Variants in LMF1 observed in about 807,000 individuals in gnomAD.
LMF1 encodes transmembrane protein 112.
A neutral mutation model predicts 60.6 loss-of-function variants in LMF1; 68 were observed. That is an observed-to-expected ratio of 1.12 (90% CI 0.92 to 1.37). The LOEUF is 1.37. Among genes scored for constraint, LMF1 ranks in the 40% most tolerant of loss-of-function variants. The pLI is 0.00. For synonymous variants in LMF1, 418 were observed against 324.7 expected (o/e 1.29, Z -3.09); for missense variants, 948 against 767.2 (o/e 1.24, Z -2.78).
chr16:940,446 C>A (rs569718982), intron 2 of LMF1, among the ~76,000 whole-genome samples: 1 of 152,090 alleles, frequency 6.6e-6, no homozygotes, highest in African/African-American at 2.4e-5. Context: ...GTGGGAGGGT[C>A]CTCCCCGCAG....
At chr16:926,304 T>C (rs750828460) in intron 3 of LMF1, among the ~76,000 whole-genome samples, 2 of 152,244 alleles carry the variant, frequency 1.3e-5, no homozygotes. Flanking sequence ...CGTGTCTGTG[T>C]GCATGTATGT....
In LMF1 at chr16:920,559, G is replaced by A. The variant is rs79845617; in HGVS notation, c.515-9480C>T. 1.1e-4 allele frequency among the ~76,000 whole-genome samples: 16 copies of A among 152,342 alleles called. No individual in the cohort carries two copies. The East Asian group carries it at 2.9e-3, about 28-fold the overall frequency. On this transcript the variant is annotated intron_variant, in intron 3 of 10. Coordinates refer to ENST00000262301, the MANE Select transcript of LMF1 (RefSeq NM_022773.4). ...AGCCACAGTGACTCATTCTAGAGAT[G>A]AGAGGCTTTTAGAAAACACCACACA...
chr16:863,621 A>T (rs1443518304), intron 10 of LMF1, among the ~76,000 whole-genome samples: 1 of 151,922 alleles, frequency 6.6e-6, no homozygotes, highest in Non-Finnish European at 1.5e-5. Context: ...CTTGCTTTAA[A>T]TTTTTTCCTA....
intron 1 of LMF1, chr16:976,747 T>C: frequency 2.2e-6 from 1 of 454,116 alleles, no homozygotes; most frequent in South Asian, 1.6e-5. Flanking sequence ...AGCACAGCTG[T>C]TCCCGACACA....
At chr16:965,049 T>A (rs1391910789) in intron 1 of LMF1, among the ~76,000 whole-genome samples, 1 of 152,140 alleles carries the variant, frequency 6.6e-6, no homozygotes, top group African/African-American at 2.4e-5. Flanking sequence ...AGCCCAGGAC[T>A]CCAATGTGAC....
intron 3 of LMF1, among the ~76,000 whole-genome samples, chr16:921,444 C>T (rs777923470): frequency 1.3e-5 from 2 of 152,244 alleles, no homozygotes; most frequent in Non-Finnish European, 2.9e-5. Context: ...AGCCAGGCAC[C>T]GGCACAAAGC....
chr16:954,894 C>G (rs2072635172), intron 1 of LMF1, among the ~76,000 whole-genome samples: 1 of 147,164 alleles, frequency 6.8e-6, no homozygotes. Context: ...TACACGCATA[C>G]ACATCTAAGT....
At chr16:858,684 A>C (rs1310683618) in intron 10 of LMF1, among the ~76,000 whole-genome samples, 1 of 50,020 alleles carries the variant, frequency 2.0e-5, no homozygotes, top group African/African-American at 1.1e-4. Flanking sequence ...GACGGGTGTG[A>C]GTGGTGTCAC....
At chr16:858,956 C>T (rs1283386723) in intron 10 of LMF1, among the ~76,000 whole-genome samples, 4 of 62,250 alleles carry the variant, frequency 6.4e-5, no homozygotes, top group African/African-American at 4.3e-4. Flanking sequence ...TGTCACGGGA[C>T]GGGTGTGCAG....
chr16:895,197 G>A (rs1199352741), intron 4 of LMF1, among the ~76,000 whole-genome samples: 2 of 152,176 alleles, frequency 1.3e-5, no homozygotes, highest in Non-Finnish European at 2.9e-5. Flanking sequence ...CCAGAGCAGG[G>A]GCCGGAGCTG....
intron 3 of LMF1, among the ~76,000 whole-genome samples, chr16:926,180 A>C (rs2071593782): frequency 6.7e-6 from 1 of 148,640 alleles, no homozygotes; most frequent in African/African-American, 2.5e-5. Context: ...GTGTGCACAC[A>C]TTTGCATATG....
chr16:911,780 G>A (rs374810865), intron 3 of LMF1, among the ~76,000 whole-genome samples: 11 of 152,144 alleles, frequency 7.2e-5, no homozygotes, highest in Non-Finnish European at 1.5e-4. Context: ...CTTCCCAGAT[G>A]GGCATGGAAG....
At chr16:901,106 A>G (rs2070800765) in intron 4 of LMF1, 1 of 152,158 alleles carries the variant, frequency 6.6e-6, no homozygotes, top group African/African-American at 2.4e-5. Flanking sequence ...AGGTACAGAA[A>G]ACAGATTTCC....
Position 854,826 on chromosome 16 carries a change from T to C in LMF1, c.1530-120A>G, listed in dbSNP as rs1314066203. On this transcript the variant is annotated intron_variant, in intron 10 of 10. Transcript: ENST00000262301. ...GTCCCCCACGGACAGAGGGGCTGCATGAGGAGCCCCCACCCTGAGCACAGG... is the reference window on the plus strand; with the variant it reads ...GTCCCCCACGGACAGAGGGGCTGCACGAGGAGCCCCCACCCTGAGCACAGG... 4 of 923,440 alleles carry C rather than the reference T, an allele frequency of 4.3e-6. No individual in the cohort carries two copies. The East Asian group carries it at 1.1e-4, about 24-fold the overall frequency. 57.2% of individuals were successfully genotyped at this position (923,440 alleles called of 1,614,324 possible). A position where few individuals can be genotyped will look rare whatever the true frequency, so the allele number is the denominator to read the frequency against.
rs534184908 is a variant in LMF1, at chr16:966,202, G to A, written c.193+4586C>T. On this transcript the variant is annotated intron_variant, in intron 1 of 10. Coordinates refer to ENST00000262301, the MANE Select transcript of LMF1 (RefSeq NM_022773.4). ...ATGCCTCACGTGGCGGGGACACAGC[G>A]GGAGCAGTTCAGGCACCACGGCTCG... Among the ~76,000 whole-genome samples, 283 of 152,304 alleles carry A rather than the reference G, an allele frequency of 1.9e-3. 1 individual carries two copies. Among genetic ancestry groups the A allele is most frequent in the African/African-American group, 6.3e-3 (263 of 41,568 alleles).
Position 871,425 on chromosome 16 carries a change from AG to A in LMF1, c.898-85del, listed in dbSNP as rs375226864. On this transcript the variant is annotated intron_variant, in intron 6 of 10. Coordinates refer to ENST00000262301, the MANE Select transcript of LMF1 (RefSeq NM_022773.4). ...TGGCGCCTCTCTTCCTGGAGCAGGG[AG>A]GGGGGAGGGAACCTGCACCCAGCTC... 23 of 1,249,820 alleles carry A rather than the reference AG, an allele frequency of 1.8e-5. No homozygotes were observed. In the Admixed American group the frequency reaches 2.1e-4, roughly 12 times the overall value. 77.4% of individuals were successfully genotyped at this position (1,249,820 alleles called of 1,614,324 possible).
intron 1 of LMF1, among the ~76,000 whole-genome samples, chr16:960,150 T>G (rs2072793417): frequency 6.6e-6 from 1 of 152,110 alleles, no homozygotes; most frequent in South Asian, 2.1e-4. Context: ...TGGAAACAAC[T>G]CATTCTAGGG....
intron 4 of LMF1, chr16:905,078 G>T: frequency 7.0e-6 from 1 of 142,486 alleles, no homozygotes; most frequent in South Asian, 1.6e-4. Flanking sequence ...GCGTGGTGGT[G>T]ACCTCTGCAC....
intron 4 of LMF1, among the ~76,000 whole-genome samples, chr16:907,272 G>C (rs2070994048): frequency 6.6e-6 from 1 of 152,030 alleles, no homozygotes; most frequent in Non-Finnish European, 1.5e-5. Context: ...GTGATGGCAG[G>C]TTCCTGTAGT....
Sources: allele counts gnomAD v4.1 joint callset (sites outside exome capture counted in the v4.1 genomes callset), GRCh38; gene constraint gnomAD v4.1.1; transcripts MANE v1.5; gene names NCBI Gene and HGNC (gene_info 2026-07-23, HGNC 2026-07-21).